CNNM2: variants seen among roughly 807,000 people sequenced by gnomAD.
The protein encoded by CNNM2 is metal transporter CNNM2.
A neutral mutation model predicts 66.9 loss-of-function variants in CNNM2; 12 were observed. The observed-to-expected ratio is 0.18, with a 90% CI of 0.11 to 0.29. CNNM2 has a LOEUF of 0.29. CNNM2 is among the 10% of genes least tolerant of loss of function. The pLI is 1.00. For synonymous variants in CNNM2, 557 were observed against 501.8 expected, an observed-to-expected ratio of 1.11 and a Z score of -1.47; for missense variants, 705 against 1,167.7, an observed-to-expected ratio of 0.60 and a Z score of 5.77.
rs1389228454 is a variant in CNNM2 at position 103,086,503 on chromosome 10, T to A, written c.*9323T>A. On this transcript the variant is annotated 3_prime_UTR_variant, in exon 8 of 8. Coordinates refer to ENST00000369878, the MANE Select transcript of CNNM2 (RefSeq NM_017649.5). ...CGTGGTGAATAAGCAGAGTATTTAT[T>A]TTAAAATGACCAGGCAGCCTTGGAA... 6.6e-6 allele frequency: 1 copy of A among 152,252 alleles called. No individual in the cohort carries two copies. The highest frequency in any genetic ancestry group is 1.5e-5 in the Non-Finnish European group (1 of 68,044). 9.4% of individuals were successfully genotyped at this position (152,252 alleles called of 1,614,324 possible). A position where few individuals can be genotyped will look rare whatever the true frequency, so the allele number is the denominator to read the frequency against.
At chr10:103,067,760 A>T (rs561832019) in intron 4 of CNNM2, among the ~76,000 whole-genome samples, 1 of 152,312 alleles carries the variant, frequency 6.6e-6, no homozygotes, top group East Asian at 1.9e-4. Flanking sequence ...GGTAAAGAAG[A>T]AGTTGTCGAC....
intron 1 of CNNM2, among the ~76,000 whole-genome samples, chr10:103,010,844 C>G (rs1470561492): frequency 6.6e-6 from 1 of 152,024 alleles, no homozygotes; most frequent in Non-Finnish European, 1.5e-5. Flanking sequence ...AAATCCTGAC[C>G]ACAGGTGATC....
intron 1 of CNNM2, among the ~76,000 whole-genome samples, chr10:102,985,086 C>T (rs561857275): frequency 2.2e-4 from 34 of 152,242 alleles, no homozygotes; most frequent in African/African-American, 5.8e-4. Context: ...AAGGAAATAA[C>T]GAAGGGAAAG....
chr10:102,937,895 G>A (rs1392479231), intron 1 of CNNM2, among the ~76,000 whole-genome samples: 1 of 151,926 alleles, frequency 6.6e-6, no homozygotes, highest in East Asian at 1.9e-4. Context: ...AAAGTGTTGG[G>A]AGTATAGGCA....
Position 103,038,118 on chromosome 10 carries a change from G to C in CNNM2, c.1622-11589G>C, listed in dbSNP as rs919054331. Among the ~76,000 whole-genome samples, 7 of 152,280 alleles carry C rather than the reference G, an allele frequency of 4.6e-5. No individual in the cohort carries two copies. In the South Asian group the frequency reaches 1.4e-3, roughly 32 times the overall value. On this transcript the variant is annotated intron_variant, in intron 1 of 7. Transcript: ENST00000369878. ...GCCTCCCAAAGTGCAGGGATTACAG[G>C]CGTTGAGTCACCGTGCCTAGCCTAC...
chr10:103,022,318 T>C (rs1440245031), intron 1 of CNNM2, among the ~76,000 whole-genome samples: 1 of 152,212 alleles, frequency 6.6e-6, no homozygotes, highest in Non-Finnish European at 1.5e-5. Context: ...TATTTAATCT[T>C]CAAAGCAGCT....
chr10:103,038,664 G>A (rs966828992), intron 1 of CNNM2, among the ~76,000 whole-genome samples: 2 of 152,114 alleles, frequency 1.3e-5, no homozygotes, highest in African/African-American at 4.8e-5. Context: ...ACTGGCAGAC[G>A]CATTAGTTCA....
At chr10:103,004,686 A>G (rs897228486) in intron 1 of CNNM2, among the ~76,000 whole-genome samples, 2 of 152,340 alleles carry the variant, frequency 1.3e-5, no homozygotes, top group Non-Finnish European at 2.9e-5. Context: ...ATGGTTTTCC[A>G]AAGTTACTGT....
In CNNM2 at chr10:102,925,283, C is replaced by T. The variant is rs796544397; in HGVS notation, c.1621+5182C>T. On this transcript the variant is annotated intron_variant, in intron 1 of 7. Coordinates refer to ENST00000369878, the MANE Select transcript of CNNM2 (RefSeq NM_017649.5). ...TGCATTCCAGCCTGGGCAACAAGAG[C>T]GAAACTCCATCTCAAAAAAAAAAAA... Among the ~76,000 whole-genome samples, 35 of 103,090 alleles carry T rather than the reference C, an allele frequency of 3.4e-4. 1 individual carries two copies. The highest frequency in any genetic ancestry group is 1.0e-3 in the African/African-American group (27 of 25,772). The allele number at this position is 103,090 out of a possible 152,430, so 67.6% of individuals were successfully genotyped here.
At chr10:102,927,445 G>A in intron 1 of CNNM2, 3 of 1,610,438 alleles carry the variant, frequency 1.9e-6, no homozygotes, top group South Asian at 1.1e-5. Context: ...ACTCTAGGAT[G>A]TCTATACAGA....
chr10:102,962,700 G>GTGTGTGTT, intron 1 of CNNM2, among the ~76,000 whole-genome samples: 1 of 132,578 alleles, frequency 7.5e-6, no homozygotes, highest in East Asian at 2.3e-4. Context: ...CTGTGTGTGT[G>GTGTGTGTT]TGTGTGTGTG....
chr10:103,029,910 A>G (rs1452889618), intron 1 of CNNM2, among the ~76,000 whole-genome samples: 1 of 152,082 alleles, frequency 6.6e-6, no homozygotes, highest in Non-Finnish European at 1.5e-5. Context: ...ATAGTTATTA[A>G]TACAGGGTAA....
chr10:102,943,999 T>C (rs930987526), intron 1 of CNNM2, among the ~76,000 whole-genome samples: 2 of 152,194 alleles, frequency 1.3e-5, no homozygotes, highest in Non-Finnish European at 2.9e-5. Flanking sequence ...TTTACATATA[T>C]GTAAGATTGG....
rs1282278817 is a variant in CNNM2, at chr10:103,085,903, A to G, written c.*8723A>G. ...AAAAATGGTTGAGAAATCCAGGTTA[A>G]AGAATAGAAAAGCTTTTTACTCATT... On this transcript the variant is annotated 3_prime_UTR_variant, in exon 8 of 8. Transcript: ENST00000369878. 6.6e-6 allele frequency: 1 copy of G among 152,148 alleles called. No homozygotes were observed. Among genetic ancestry groups the G allele is most frequent in the Non-Finnish European group, 1.5e-5 (1 of 68,002 alleles). The allele number at this position is 152,148 out of a possible 1,614,324, so 9.4% of individuals were successfully genotyped here.
In CNNM2 at chr10:103,007,134, C is replaced by T. The variant is rs11191505; in HGVS notation, c.1622-42573C>T. Among the ~76,000 whole-genome samples the T allele has an allele frequency of 0.089, 13,523 of 152,164 alleles. 835 individuals are homozygous for T. Among genetic ancestry groups the T allele is most frequent in the East Asian group, 0.28 (1,432 of 5,172 alleles). ...CACATATCGGTAGGACCGTGATGCC[C>T]ACCTGAACTGCAAAACCAGCAGGCT... On this transcript the variant is annotated intron_variant, in intron 1 of 7. Transcript: ENST00000369878.
At chr10:103,075,045 T>C (rs2065665615) in intron 6 of CNNM2, among the ~76,000 whole-genome samples, 1 of 152,058 alleles carries the variant, frequency 6.6e-6, no homozygotes, top group Non-Finnish European at 1.5e-5. Flanking sequence ...GTACTAAAGC[T>C]CCACACAGAG....
rs147624147 is a variant in CNNM2, at chr10:102,959,913, A to T, written c.1621+39812A>T. 3.6e-3 allele frequency among the ~76,000 whole-genome samples: 543 copies of T among 152,036 alleles called. 4 individuals are homozygous for T. Among genetic ancestry groups the T allele is most frequent in the African/African-American group, 0.013 (530 of 41,468 alleles). On this transcript the variant is annotated intron_variant, in intron 1 of 7. Transcript: ENST00000369878. ...TAAAAATACAAAAAATTAGCCGGGC[A>T]TGGTGGCAGGCACCTGTAGTCCCAG...
rs138807273 is a variant in CNNM2 at position 103,077,799 on chromosome 10, A to G, written c.*619A>G. On this transcript the variant is annotated 3_prime_UTR_variant, in exon 8 of 8. Transcript: ENST00000369878. The stretch of plus-strand genomic sequence containing the variant: ...GCCTGCCTCAGAGGGACCTGCAATC[A>G]CCTCTCTGAGCTCAGTGGTATTTTG... The G allele has an allele frequency of 5.6e-3, 854 of 152,756 alleles. 7 individuals carry two copies. Among genetic ancestry groups the G allele is most frequent in the Middle Eastern group, 0.014 (4 of 294 alleles). 9.5% of individuals were successfully genotyped at this position (152,756 alleles called of 1,614,324 possible).
intron 1 of CNNM2, among the ~76,000 whole-genome samples, chr10:102,934,572 C>T (rs150583708): frequency 2.2e-4 from 33 of 152,112 alleles, no homozygotes; most frequent in African/African-American, 7.5e-4. Context: ...TGAGCCACCG[C>T]GCCCAGCCTG....
Sources: gnomAD v4.1 joint callset for allele counts (sites outside exome capture counted in the v4.1 genomes callset) on GRCh38, gnomAD v4.1.1 for gene constraint, MANE v1.5 for transcripts, NCBI Gene and HGNC (gene_info 2026-07-23, HGNC 2026-07-21) for gene names.